The following OLA1 variants were observed in gnomAD, a reference collection of about 807,000 sequenced individuals.
OLA1 encodes the protein Obg like ATPase 1.
A neutral mutation model predicts 48.4 loss-of-function variants in OLA1; 14 were observed. That is an observed-to-expected ratio of 0.29 (90% CI 0.19 to 0.45). OLA1 has a LOEUF of 0.45. OLA1 is among the 20% of genes least tolerant of loss of function. OLA1 has a pLI of 1.00. For missense variants in OLA1, 325 were observed against 467.1 expected, an observed-to-expected ratio of 0.70 and a Z score of 2.80; for synonymous variants, 127 against 150.4, an observed-to-expected ratio of 0.84 and a Z score of 1.14.
chr2:174,198,465 C>T (rs1432235876), intron 4 of OLA1, among the ~76,000 whole-genome samples: 1 of 151,902 alleles, frequency 6.6e-6, no homozygotes, highest in Admixed American at 6.6e-5. Flanking sequence ...TCCATAAACC[C>T]CTGGGAGTCT....
intron 4 of OLA1, among the ~76,000 whole-genome samples, chr2:174,162,601 G>T (rs2105397678): frequency 6.6e-6 from 1 of 152,218 alleles, no homozygotes; most frequent in East Asian, 1.9e-4. Flanking sequence ...TCAAACCATG[G>T]CAATAATATA....
chr2:174,209,352 T>C (rs949814193), intron 4 of OLA1, among the ~76,000 whole-genome samples: 19 of 152,296 alleles, frequency 1.2e-4, no homozygotes, highest in African/African-American at 3.8e-4. Flanking sequence ...CTCTGATATA[T>C]GACTAATTTT....
intron 4 of OLA1, among the ~76,000 whole-genome samples, chr2:174,187,641 A>G (rs1052815766): frequency 6.6e-6 from 1 of 152,172 alleles, no homozygotes; most frequent in Non-Finnish European, 1.5e-5. Context: ...TTCTCATCAA[A>G]AGTAATATTT....
chr2:174,118,161 A>T lies in OLA1; in HGVS notation c.728+5019T>A, dbSNP rs1685827718. Among the ~76,000 whole-genome samples the T allele has an allele frequency of 2.0e-5, 3 of 152,166 alleles. No homozygotes were observed. The South Asian group carries it at 6.2e-4, about 31-fold the overall frequency. ...ACTCATTATCACGAGAACAGCAAGA[A>T]GGAAATCCACCCCTGCGGTCCAATC... On this transcript the variant is annotated intron_variant, in intron 7 of 10. Transcript: ENST00000284719.
At chr2:174,134,248 T>A (rs1480508801) in intron 5 of OLA1, among the ~76,000 whole-genome samples, 1 of 152,230 alleles carries the variant, frequency 6.6e-6, no homozygotes, top group African/African-American at 2.4e-5. Flanking sequence ...TTAGAGAAAC[T>A]GTCAAACTCA....
chr2:174,116,985 G>A (rs1382971347), intron 7 of OLA1, among the ~76,000 whole-genome samples: 1 of 152,114 alleles, frequency 6.6e-6, no homozygotes, highest in African/African-American at 2.4e-5. Context: ...AACAAAGAAT[G>A]ATTTACTCTA....
intron 4 of OLA1, among the ~76,000 whole-genome samples, chr2:174,178,071 C>G (rs1687456877): frequency 1.3e-5 from 2 of 151,894 alleles, no homozygotes; most frequent in Non-Finnish European, 2.9e-5. Context: ...CATAAAAAAG[C>G]TGTACATTTC....
chr2:174,232,664 T>C (rs1688757490), intron 2 of OLA1, among the ~76,000 whole-genome samples: 1 of 152,064 alleles, frequency 6.6e-6, no homozygotes, highest in South Asian at 2.1e-4. Flanking sequence ...CAATGAGATA[T>C]AACCTTACAA....
At chr2:174,158,403 G>A (rs1418406354) in intron 4 of OLA1, among the ~76,000 whole-genome samples, 2 of 151,808 alleles carry the variant, frequency 1.3e-5, no homozygotes, top group South Asian at 2.1e-4. Context: ...CTTGGTGGGC[G>A]ACAGACAGTA....
At chr2:174,220,236 C>T (rs912631326) in intron 4 of OLA1, among the ~76,000 whole-genome samples, 1 of 152,142 alleles carries the variant, frequency 6.6e-6, no homozygotes. Flanking sequence ...TCTTTTCCAT[C>T]GCTCCTACTC....
intron 7 of OLA1, among the ~76,000 whole-genome samples, chr2:174,089,901 C>CAAA (rs549770214): frequency 1.9e-5 from 1 of 53,440 alleles, no homozygotes; most frequent in Non-Finnish European, 4.1e-5. Flanking sequence ...GACCCTGTCT[C>CAAA]AAAAAAAAAA....
At chr2:174,217,557 T>C (rs1267905757) in intron 4 of OLA1, among the ~76,000 whole-genome samples, 1 of 152,158 alleles carries the variant, frequency 6.6e-6, no homozygotes, top group Non-Finnish European at 1.5e-5. Flanking sequence ...TACAACAAAA[T>C]GTGCAAAAAG....
chr2:174,107,895 T>C (rs1181573799), intron 7 of OLA1, among the ~76,000 whole-genome samples: 2 of 152,050 alleles, frequency 1.3e-5, no homozygotes, highest in Non-Finnish European at 2.9e-5. Context: ...ACCATATAGA[T>C]AGGATAAAAA....
At chr2:174,222,846 G>C (rs1024400178) in intron 4 of OLA1, among the ~76,000 whole-genome samples, 187 bp downstream of exon 4, 6 of 152,148 alleles carry the variant, frequency 3.9e-5, no homozygotes, top group African/African-American at 1.2e-4. Context: ...ACTTGCTATG[G>C]AATAAGCCTT....
At chr2:174,205,099 C>T (rs555040530) in intron 4 of OLA1, among the ~76,000 whole-genome samples, 1 of 152,186 alleles carries the variant, frequency 6.6e-6, no homozygotes, top group South Asian at 2.1e-4. Context: ...ATATAGTAAA[C>T]TTCCTTATTG....
At chr2:174,152,672 T>TA (rs1481383288) in intron 4 of OLA1, among the ~76,000 whole-genome samples, 1 of 152,142 alleles carries the variant, frequency 6.6e-6, no homozygotes, top group Non-Finnish European at 1.5e-5. Flanking sequence ...TGTAAATATA[T>TA]AAAAATGGAA....
chr2:174,155,177 A>G (rs1196279668), intron 4 of OLA1, among the ~76,000 whole-genome samples: 1 of 152,142 alleles, frequency 6.6e-6, no homozygotes, highest in Non-Finnish European at 1.5e-5. Context: ...CTTGGGGATT[A>G]TGTGTATCTT....
chr2:174,142,049 G>A (rs1327661368), intron 4 of OLA1, 49 bp from the exon 5 acceptor site: 2 of 1,483,874 alleles, frequency 1.3e-6, no homozygotes, highest in African/African-American at 2.8e-5. Flanking sequence ...AATACAGCGT[G>A]TTCATTATGA....
chr2:174,154,072 T>A (rs549179509), intron 4 of OLA1, among the ~76,000 whole-genome samples: 1 of 152,216 alleles, frequency 6.6e-6, no homozygotes, highest in Admixed American at 6.5e-5. Context: ...GGTCTTGTTA[T>A]CTCGCCCAGG....
Sources: allele counts gnomAD v4.1 joint callset (sites outside exome capture counted in the v4.1 genomes callset), GRCh38; gene constraint gnomAD v4.1.1; transcripts MANE v1.5; gene names NCBI Gene and HGNC (gene_info 2026-07-23, HGNC 2026-07-21).